Variants in ZNF536 observed in about 807,000 individuals in gnomAD.
ZNF536 encodes the protein zinc finger protein 536.
ZNF536 carries 13 observed loss-of-function variants against 84.5 expected under a neutral mutation model. The observed-to-expected ratio is 0.15, with a 90% CI of 0.10 to 0.24. The LOEUF (loss-of-function observed/expected upper bound fraction) is 0.24. Ranked by LOEUF, ZNF536 falls within the 10% of genes least tolerant of loss-of-function variation. The probability of loss-of-function intolerance (pLI) is 1.00; values close to 1 mark genes in which losing one functional copy is unlikely to be tolerated. For synonymous variants in ZNF536, 811 were observed against 742.5 expected (o/e 1.09, Z -1.50); for missense variants, 1,536 against 1,747.5 (o/e 0.88, Z 2.16).
intron 2 of ZNF536, among the ~76,000 whole-genome samples, chr19:30,513,472 C>T (rs1400899200): frequency 1.3e-5 from 2 of 152,116 alleles, no homozygotes; most frequent in African/African-American, 4.8e-5. Flanking sequence ...TTCTCTGTGC[C>T]CCCAACCCCG....
intron 1 of ZNF536, among the ~76,000 whole-genome samples, chr19:30,706,929 T>A (rs993490349): frequency 2.6e-5 from 4 of 152,140 alleles, no homozygotes; most frequent in Non-Finnish European, 5.9e-5. Context: ...ATTTCTCAGG[T>A]TTCCCGGTGT....
chr19:30,601,199 G>T (rs1467325971), intron 1 of ZNF536, among the ~76,000 whole-genome samples: 1 of 152,210 alleles, frequency 6.6e-6, no homozygotes, highest in Non-Finnish European at 1.5e-5. Context: ...CTGAGGACTA[G>T]ACAGCTAAAG....
intron 2 of ZNF536, among the ~76,000 whole-genome samples, chr19:30,466,553 A>G (rs2053402302): frequency 6.7e-6 from 1 of 148,244 alleles, no homozygotes; most frequent in African/African-American, 2.6e-5. Flanking sequence ...ACAGAGTGAA[A>G]CCCTGTTAGA....
chr19:30,713,489 G>A (rs2052515282), exon 2 of ZNF536: 1 of 152,166 alleles, frequency 6.6e-6, no homozygotes, highest in South Asian at 2.1e-4. Flanking sequence ...TAATACATCA[G>A]TTGACAGAAC....
chr19:30,603,223 G>T (rs2047754223), intron 1 of ZNF536, among the ~76,000 whole-genome samples: 2 of 152,186 alleles, frequency 1.3e-5, no homozygotes, highest in Non-Finnish European at 2.9e-5. Flanking sequence ...AATCCCCCAG[G>T]TCTGGCACAG....
chr19:30,674,324 C>T (rs751442330), intron 1 of ZNF536, among the ~76,000 whole-genome samples: 35 of 152,132 alleles, frequency 2.3e-4, no homozygotes, highest in Non-Finnish European at 8.8e-5. Context: ...CCAGGCTGCC[C>T]GGGGATGGAG....
chr19:30,282,792 CA>C (rs1167913592), intron 1 of ZNF536, among the ~76,000 whole-genome samples: 2 of 152,030 alleles, frequency 1.3e-5, no homozygotes, highest in African/African-American at 4.8e-5. Flanking sequence ...AAAAAAAATG[CA>C]AAAGATCATC....
At chr19:30,325,193 C>G (rs1254006651) in intron 2 of ZNF536, among the ~76,000 whole-genome samples, 1 of 152,224 alleles carries the variant, frequency 6.6e-6, no homozygotes, top group Admixed American at 6.5e-5. Context: ...GTCCTCCGCA[C>G]TTTGCCTTCT....
intron 3 of ZNF536, among the ~76,000 whole-genome samples, chr19:30,352,701 T>C (rs1486108461): frequency 6.6e-6 from 1 of 151,914 alleles, no homozygotes; most frequent in Non-Finnish European, 1.5e-5. Flanking sequence ...CCTTTCCCCA[T>C]GGGGGAGGTA....
chr19:30,326,341 G>C (rs1279841110), intron 2 of ZNF536, among the ~76,000 whole-genome samples: 1 of 152,234 alleles, frequency 6.6e-6, no homozygotes, highest in East Asian at 1.9e-4. Context: ...GGCTCAGAAA[G>C]TCTGGCATCC....
At chr19:30,325,971 G>T (rs1019806075) in intron 2 of ZNF536, among the ~76,000 whole-genome samples, 2 of 152,178 alleles carry the variant, frequency 1.3e-5, no homozygotes, top group African/African-American at 4.8e-5. Context: ...CACATACCTT[G>T]TCTCCTCTCT....
chr19:30,443,837 T>A lies in ZNF536; in HGVS notation c.275T>A (p.Val92Glu). 1.2e-6 allele frequency: 2 copies of A among 1,612,774 alleles called. No homozygotes were observed. Among genetic ancestry groups the A allele is most frequent in the Non-Finnish European group, 1.7e-6 (2 of 1,179,798 alleles). The change falls in exon 2 of 5, where the codon GTG (valine) becomes GAG (glutamate). Residue 92 changes from valine to glutamate, a missense_variant. Around this residue, in one of 8 missense-constraint regions of ZNF536, gnomAD observed 161 missense variants for 178.5 expected, o/e 0.90. Coordinates refer to ENST00000355537, the MANE Select transcript of ZNF536 (RefSeq NM_014717.3). ...ALLANQLGRE[V>E]DTSLNGRVDL... is the part of the protein sequence containing the mutation. Reference sequence around the variant, plus strand: ...CTGGCCAACCAGCTGGGCCGGGAGGTGGACACCAGCCTCAACGGGAGGGTG... The same window carrying A: ...CTGGCCAACCAGCTGGGCCGGGAGGAGGACACCAGCCTCAACGGGAGGGTG...
At chr19:30,532,065 G>T (rs1309018826) in intron 2 of ZNF536, among the ~76,000 whole-genome samples, 3 of 152,078 alleles carry the variant, frequency 2.0e-5, no homozygotes, top group African/African-American at 7.2e-5. Flanking sequence ...TCCTCTGGAA[G>T]AAGCTTTATG....
chr19:30,691,775 A>G (rs1012077815), intron 1 of ZNF536, among the ~76,000 whole-genome samples: 1 of 152,246 alleles, frequency 6.6e-6, no homozygotes, highest in Admixed American at 6.5e-5. Context: ...GGGAAACCAG[A>G]CATCCAACTG....
intron 1 of ZNF536, among the ~76,000 whole-genome samples, chr19:30,609,773 C>T (rs868330588): frequency 7.3e-6 from 1 of 136,748 alleles, no homozygotes; most frequent in Non-Finnish European, 1.6e-5. Flanking sequence ...CACCCATCTA[C>T]CCATCCATCC....
At chr19:30,646,558 G>A (rs771087491) in intron 1 of ZNF536, among the ~76,000 whole-genome samples, 4 of 152,170 alleles carry the variant, frequency 2.6e-5, no homozygotes, top group South Asian at 4.1e-4. Flanking sequence ...TGACTTTGCC[G>A]GTCAGTGGGC....
intron 2 of ZNF536, among the ~76,000 whole-genome samples, chr19:30,503,224 AC>A: frequency 6.6e-6 from 1 of 152,342 alleles, no homozygotes; most frequent in East Asian, 1.9e-4. Context: ...CAGTATGACA[AC>A]AAATGTTTGC....
chr19:30,292,537 T>G (rs1946752594), intron 2 of ZNF536, among the ~76,000 whole-genome samples: 1 of 152,104 alleles, frequency 6.6e-6, no homozygotes, highest in Non-Finnish European at 1.5e-5. Flanking sequence ...CCCAGGCTGA[T>G]CTTGAACCAC....
rs139419479 is a variant in ZNF536, at chr19:30,328,795, G to A, written c.-119-23573G>A. Among the ~76,000 whole-genome samples, 1,467 of 152,316 alleles carry A rather than the reference G, an allele frequency of 9.6e-3. 7 individuals are homozygous for A. Among genetic ancestry groups the A allele is most frequent in the South Asian group, 0.045 (215 of 4,824 alleles). ...TTTTCCTGCTGATCTTGAAGCTGGCGTTGCCAGGGGCTTGGTGTACTTGGA... is the reference window on the plus strand; with the variant it reads ...TTTTCCTGCTGATCTTGAAGCTGGCATTGCCAGGGGCTTGGTGTACTTGGA... On this transcript the variant is annotated intron_variant, in intron 2 of 5. Coordinates refer to the ZNF536 transcript ENST00000585628.
Sources: allele counts gnomAD v4.1 joint callset (sites outside exome capture counted in the v4.1 genomes callset), GRCh38; gene constraint gnomAD v4.1.1; regional missense constraint gnomAD v4.1.1; transcripts MANE v1.5; gene names NCBI Gene and HGNC (gene_info 2026-07-23, HGNC 2026-07-21).